GGA2: variants seen among roughly 807,000 people sequenced by gnomAD.
The protein encoded by GGA2 is golgi associated, gamma adaptin ear containing, ARF binding protein 2.
A neutral mutation model predicts 79.5 loss-of-function variants in GGA2; 48 were observed. That is an observed-to-expected ratio of 0.60 (90% CI 0.48 to 0.77). The LOEUF (loss-of-function observed/expected upper bound fraction) is 0.77. GGA2 is among the 30% of genes least tolerant of loss of function. The pLI is 0.00. For synonymous variants in GGA2, 317 were observed against 302.0 expected (o/e 1.05, Z -0.51); for missense variants, 770 against 774.0 (o/e 0.99, Z 0.06).
intron 1 of GGA2, among the ~76,000 whole-genome samples, chr16:23,504,741 G>A (rs902791705): frequency 2.0e-5 from 3 of 152,152 alleles, no homozygotes; most frequent in Non-Finnish European, 2.9e-5. Flanking sequence ...TCTCTGTTTT[G>A]GGCTATCCCA....
At chr16:23,479,932 G>A (rs1440714367) in intron 10 of GGA2, 45 bp from the exon 11 acceptor site, 4 of 1,602,098 alleles carry the variant, frequency 2.5e-6, no homozygotes, top group East Asian at 4.5e-5. Context: ...GGACATGAGA[G>A]CAAAGTCTCC....
intron 3 of GGA2, 149 bp from the exon 4 acceptor site, chr16:23,493,607 G>A: frequency 1.6e-6 from 1 of 613,168 alleles, no homozygotes. Flanking sequence ...TGATGAAGAG[G>A]ACGTTTTCAG....
At position 23,467,479 on chromosome 16, in the gene GGA2, G is replaced by T; in HGVS notation, c.*111C>A. 1 of 623,546 alleles carries T rather than the reference G, an allele frequency of 1.6e-6. No individual in the cohort carries two copies. The highest frequency in any genetic ancestry group is 3.2e-5 in the East Asian group (1 of 31,518). The allele number at this position is 623,546 out of a possible 1,614,324, so 38.6% of individuals were successfully genotyped here. The stretch of plus-strand genomic sequence containing the variant: ...CAGAGGTTGACACCCAGAGCCTGAC[G>T]TCAGGATAGGACTCTTGGCACTCCG... On this transcript the variant is annotated 3_prime_UTR_variant, in exon 17 of 17. Coordinates refer to ENST00000309859, the MANE Select transcript of GGA2 (RefSeq NM_015044.4).
upstream of GGA2, among the ~76,000 whole-genome samples, chr16:23,511,222 G>C (rs1191199617): frequency 6.6e-6 from 1 of 151,674 alleles, no homozygotes; most frequent in Non-Finnish European, 1.5e-5. Flanking sequence ...GTGCCATCTC[G>C]GCTCACTGCA....
Position 23,467,691 on chromosome 16 carries a change from G to A in GGA2, c.1741C>T (p.Arg581Cys), listed in dbSNP as rs948723046. The A allele has an allele frequency of 2.6e-5, 40 of 1,567,758 alleles. No homozygotes were observed. Among genetic ancestry groups the A allele is most frequent in the Admixed American group, 2.2e-4 (13 of 59,946 alleles). The change falls in exon 17 of 17, where the codon CGC becomes TGC. Residue 581 changes from arginine to cysteine, a missense_variant. Physicochemically the swap from Arg to Cys is radical, Grantham distance 180 (BLOSUM62 -3). Coordinates refer to ENST00000309859, the MANE Select transcript of GGA2 (RefSeq NM_015044.4). The part of the protein sequence containing the change: ...LLDNPHKEPI[R>C]LRYKLTFNQG... ...TTGAATGTCAGCTTGTACCGTAAGC[G>A]GATAGGTTCCTGGGACAGAAGAGAC...
intron 7 of GGA2, 80 bp from the exon 8 acceptor site, chr16:23,486,232 C>T (rs1007437016): frequency 3.8e-6 from 5 of 1,313,890 alleles, no homozygotes; most frequent in African/African-American, 2.9e-5. Context: ...GAAAGAGTCA[C>T]TATTGAGAGA....
At chr16:23,509,225 A>C (rs944997530) in intron 1 of GGA2, among the ~76,000 whole-genome samples, 1 of 152,196 alleles carries the variant, frequency 6.6e-6, no homozygotes, top group Non-Finnish European at 1.5e-5. Context: ...GCTCTTGAAG[A>C]TCTCGCCCCA....
intron 9 of GGA2, among the ~76,000 whole-genome samples, chr16:23,482,035 G>A (rs11074560): frequency 0.74 from 112,859 of 152,134 alleles, 42,720 homozygotes; most frequent in Middle Eastern, 0.84. Flanking sequence ...GGGAAGCCGA[G>A]GCAGACGGAT....
At chr16:23,510,066 T>C (rs1217885879) in intron 1 of GGA2, among the ~76,000 whole-genome samples, 1 of 113,096 alleles carries the variant, frequency 8.8e-6, no homozygotes, top group South Asian at 3.3e-4. Flanking sequence ...GTCGGGGTCC[T>C]GTGCTGCTGC....
At chr16:23,471,900 C>A (rs1404771216) in intron 14 of GGA2, among the ~76,000 whole-genome samples, 3 of 151,844 alleles carry the variant, frequency 2.0e-5, no homozygotes, top group African/African-American at 7.3e-5. Flanking sequence ...TGGAGCGAGG[C>A]CCCATCTCTA....
chr16:23,510,278 G>A (rs1480184914), intron 1 of GGA2, 43 bp downstream of exon 1: 3 of 1,289,830 alleles, frequency 2.3e-6, no homozygotes, highest in Admixed American at 5.8e-5. Flanking sequence ...GAGGCCTCAC[G>A]TGCGGCGCAG....
At position 23,484,333 on chromosome 16, in the gene GGA2, G is replaced by A. The variant is rs180879892; in HGVS notation, c.799-1329C>T. 1.4e-3 allele frequency among the ~76,000 whole-genome samples: 218 copies of A among 152,068 alleles called. 1 individual carries two copies. Among genetic ancestry groups the A allele is most frequent in the African/African-American group, 5.1e-3 (213 of 41,456 alleles). On this transcript the variant is annotated intron_variant, in intron 8 of 16. Transcript: ENST00000309859. ...CTCGGGAGGCTGAGGCAGGAGAATC[G>A]CTCGAACCCGGGAGGCAGAAGTCGT... is the stretch of plus-strand genomic sequence containing the variant.
At chr16:23,498,588 C>T (rs537603496) in intron 1 of GGA2, among the ~76,000 whole-genome samples, 2 of 152,076 alleles carry the variant, frequency 1.3e-5, no homozygotes, top group Non-Finnish European at 2.9e-5. Flanking sequence ...AAAAATAAAA[C>T]AAGGAAAATA....
chr16:23,478,393 AGAG>A lies in GGA2; in HGVS notation c.1264_1266del (p.Leu422del), dbSNP rs1326303611. 1.2e-6 allele frequency: 2 copies of A among 1,608,316 alleles called. No individual in the cohort carries two copies. Among genetic ancestry groups the A allele is most frequent in the African/African-American group, 1.3e-5 (1 of 74,792 alleles). ...AGAGGGCACGGAGCTGGCTGTGCTG[AGAG>A]GAGGTCCAGCAAATTCCTGTCTGCA... On this transcript the variant is annotated inframe_deletion, in exon 13 of 17. Coordinates refer to ENST00000309859, the MANE Select transcript of GGA2 (RefSeq NM_015044.4).
intron 1 of GGA2, among the ~76,000 whole-genome samples, chr16:23,503,204 G>A (rs9927961): frequency 0.74 from 112,383 of 152,076 alleles, 42,029 homozygotes; most frequent in Non-Finnish European, 0.81. Context: ...GTCGATTTGC[G>A]ATTTCCTCCT....
chr16:23,467,449 T>TGTTG lies in GGA2; in HGVS notation c.*140_*141insCAAC. Reference sequence around the variant, plus strand: ...ACACACACACAGAGCATCTGCAGAATAAGTCAGAGGTTGACACCCAGAGCC... The same window carrying TGTTG: ...ACACACACACAGAGCATCTGCAGAATGTTGAAGTCAGAGGTTGACACCCAGAGCC... On this transcript the variant is annotated 3_prime_UTR_variant, in exon 17 of 17. Transcript: ENST00000309859. The TGTTG allele has an allele frequency of 2.1e-6, 1 of 486,476 alleles. No homozygotes were observed. Among genetic ancestry groups the TGTTG allele is most frequent in the Non-Finnish European group, 3.7e-6 (1 of 266,898 alleles). 30.1% of individuals were successfully genotyped at this position (486,476 alleles called of 1,614,324 possible). A position where few individuals can be genotyped will look rare whatever the true frequency, so the allele number is the denominator to read the frequency against.
intron 9 of GGA2, 90 bp from the exon 10 acceptor site, chr16:23,480,860 T>C: frequency 8.0e-7 from 1 of 1,248,930 alleles, no homozygotes; most frequent in Non-Finnish European, 1.2e-6. Context: ...AGCCTTCATA[T>C]GGCTAGACTA....
Position 23,510,353 on chromosome 16 carries a change from G to A in GGA2, c.59C>T (p.Pro20Leu), listed in dbSNP as rs1051516168. 24 of 1,434,884 alleles carry A rather than the reference G, an allele frequency of 1.7e-5. No individual in the cohort carries two copies. The highest frequency in any genetic ancestry group is 2.6e-5 in the Admixed American group (1 of 39,158). The allele number at this position is 1,434,884 out of a possible 1,614,324, so 88.9% of individuals were successfully genotyped here. A position where few individuals can be genotyped will look rare whatever the true frequency, so the allele number is the denominator to read the frequency against. Reference protein sequence around the residue: ...VAGTESAQGPPGPAASLELWL... With the variant: ...VAGTESAQGPLGPAASLELWL... ...CAGCTCCAGCGACGCTGCCGGGCCC[G>A]GGGGACCCTGGGCCGACTCGGTTCC... is the stretch of plus-strand genomic sequence containing the variant. Residue 20 changes from proline to leucine, a missense_variant, in exon 1 of 17, where the codon CCG becomes CTG. Transcript: ENST00000309859.
upstream of GGA2, among the ~76,000 whole-genome samples, chr16:23,511,387 C>T (rs1446986436): frequency 6.6e-6 from 1 of 151,854 alleles, no homozygotes; most frequent in Non-Finnish European, 1.5e-5. Context: ...TCTCGAACTC[C>T]TGACCTCGTG....
Sources: gnomAD v4.1 joint callset for allele counts (sites outside exome capture counted in the v4.1 genomes callset) on GRCh38, gnomAD v4.1.1 for gene constraint, MANE v1.5 for transcripts, NCBI Gene and HGNC (gene_info 2026-07-23, HGNC 2026-07-21) for gene names.